Variants in POTEJ observed in about 807,000 individuals in gnomAD.
POTEJ encodes the protein POTE ankyrin domain family member J.
A neutral mutation model predicts 69.0 loss-of-function variants in POTEJ; 11 were observed. The ratio of observed to expected loss-of-function variants is 0.16; its 90% CI spans 0.10 to 0.26. POTEJ has a LOEUF of 0.26. Ranked by LOEUF, POTEJ falls within the 10% of genes least tolerant of loss-of-function variation. POTEJ has a pLI of 1.00. For missense variants in POTEJ, 327 were observed against 1,045.5 expected, an observed-to-expected ratio of 0.31 and a Z score of 9.48; for synonymous variants, 117 against 381.1, an observed-to-expected ratio of 0.31 and a Z score of 8.07.
At chr2:130,615,745 C>G (rs1189303106) in intron 1 of POTEJ, among the ~76,000 whole-genome samples, 47 of 149,292 alleles carry the variant, frequency 3.1e-4, no homozygotes, top group South Asian at 8.3e-4. Flanking sequence ...ACATCCGGCA[C>G]ATGTATCCCT....
chr2:130,642,158 C>A (rs1445632069), intron 10 of POTEJ, among the ~76,000 whole-genome samples: 1 of 147,402 alleles, frequency 6.8e-6, no homozygotes, highest in African/African-American at 2.5e-5. Context: ...TGCAGCCAAT[C>A]AGAATTTTTT....
At chr2:130,640,977 G>A (rs1341142035) in intron 10 of POTEJ, among the ~76,000 whole-genome samples, 1 of 151,928 alleles carries the variant, frequency 6.6e-6, no homozygotes, top group East Asian at 1.9e-4. Flanking sequence ...TGGTTATGGT[G>A]TAAAATGGGT....
At chr2:130,641,244 G>A (rs1291527427) in intron 10 of POTEJ, among the ~76,000 whole-genome samples, 106 of 152,266 alleles carry the variant, frequency 7.0e-4, no homozygotes, top group African/African-American at 2.4e-3. Context: ...GACAAAGGAA[G>A]TTTTTGCAGT....
At chr2:130,612,750 G>A (rs1484698815) in intron 1 of POTEJ, among the ~76,000 whole-genome samples, 8 of 124,350 alleles carry the variant, frequency 6.4e-5, no homozygotes, top group Non-Finnish European at 9.9e-5. Context: ...GAGACAGAGC[G>A]AGATTCCGTC....
At chr2:130,625,133 G>C (rs1419414127) in intron 6 of POTEJ, among the ~76,000 whole-genome samples, 1 of 152,200 alleles carries the variant, frequency 6.6e-6, no homozygotes, top group African/African-American at 2.4e-5. Flanking sequence ...AAGAGCTTTT[G>C]TAAGTTAGGT....
chr2:130,641,538 T>C (rs1686373780), intron 10 of POTEJ, among the ~76,000 whole-genome samples: 2 of 150,534 alleles, frequency 1.3e-5, no homozygotes, highest in African/African-American at 2.4e-5. Context: ...GTATAGTCAA[T>C]ATGATTTAGT....
chr2:130,651,778 G>A (rs1456583503), intron 13 of POTEJ, among the ~76,000 whole-genome samples: 2 of 144,138 alleles, frequency 1.4e-5, no homozygotes, highest in African/African-American at 5.3e-5. Flanking sequence ...TAGTGATATT[G>A]TTATGCATTT....
intron 13 of POTEJ, among the ~76,000 whole-genome samples, chr2:130,649,236 G>C (rs1185922598): frequency 1.3e-5 from 2 of 150,994 alleles, no homozygotes; most frequent in Non-Finnish European, 2.9e-5. Flanking sequence ...TCACACACTT[G>C]TCAGATCCAA....
At chr2:130,639,848 ATAAC>A (rs1212608226) in intron 10 of POTEJ, among the ~76,000 whole-genome samples, 2 of 152,212 alleles carry the variant, frequency 1.3e-5, no homozygotes, top group Non-Finnish European at 2.9e-5. Context: ...CACTTAACAA[ATAAC>A]TGTCAAATGT....
intron 9 of POTEJ, among the ~76,000 whole-genome samples, chr2:130,636,222 A>AC (rs1686083027): frequency 6.6e-6 from 1 of 152,114 alleles, no homozygotes; most frequent in Admixed American, 6.5e-5. Flanking sequence ...TAAGAAGAAG[A>AC]AAAGGGTAAA....
chr2:130,626,870 T>A (rs1310739847), intron 6 of POTEJ, among the ~76,000 whole-genome samples: 1 of 152,162 alleles, frequency 6.6e-6, no homozygotes, highest in Non-Finnish European at 1.5e-5. Context: ...TTTTGCTTAA[T>A]TTTTTTTCAT....
chr2:130,634,227 A>T (rs1293427735), intron 9 of POTEJ, among the ~76,000 whole-genome samples: 1 of 152,260 alleles, frequency 6.6e-6, no homozygotes, highest in Admixed American at 6.5e-5. Context: ...AGTGACTCTT[A>T]TTTGTAAAAG....
chr2:130,649,917 G>A lies in POTEJ; in HGVS notation c.1667+3607G>A, dbSNP rs1573996493. On this transcript the variant is annotated intron_variant, in intron 13 of 14. Coordinates refer to ENST00000409602, the MANE Select transcript of POTEJ (RefSeq NM_001277083.2). ...ATCCCCTTTCTAAGAAGAAGAAAAA[G>A]GGTAAAAAGAAACCCATTAAGGAAT... 3.3e-5 allele frequency among the ~76,000 whole-genome samples: 5 copies of A among 152,162 alleles called. No homozygotes were observed. The South Asian group carries it at 1.0e-3, about 32-fold the overall frequency.
chr2:130,647,002 ATATGT>A (rs1686602432), intron 13 of POTEJ, among the ~76,000 whole-genome samples: 2 of 149,908 alleles, frequency 1.3e-5, no homozygotes, highest in East Asian at 1.9e-4. Flanking sequence ...ATTTGTATAG[ATATGT>A]TATATGTATA....
intron 10 of POTEJ, among the ~76,000 whole-genome samples, chr2:130,638,898 T>A (rs1417394953): frequency 6.6e-6 from 1 of 152,276 alleles, no homozygotes; most frequent in Non-Finnish European, 1.5e-5. Flanking sequence ...CTTACCATAA[T>A]GTAGAATCAG....
intron 1 of POTEJ, among the ~76,000 whole-genome samples, chr2:130,612,520 A>G (rs1685247162): frequency 6.6e-6 from 1 of 152,292 alleles, no homozygotes; most frequent in Non-Finnish European, 1.5e-5. Flanking sequence ...TAATCCCAGC[A>G]CTTTGGGAGG....
chr2:130,627,427 G>T (rs1685751235), intron 6 of POTEJ, among the ~76,000 whole-genome samples: 2 of 140,614 alleles, frequency 1.4e-5, no homozygotes, highest in Admixed American at 1.4e-4. Flanking sequence ...TCCTTTTAGG[G>T]AATGATACTC....
At chr2:130,652,265 G>GTT (rs934577834) in intron 13 of POTEJ, among the ~76,000 whole-genome samples, 2 of 136,876 alleles carry the variant, frequency 1.5e-5, no homozygotes, top group African/African-American at 5.5e-5. Context: ...CCAGCCATGC[G>GTT]TAACTGTGAA....
At chr2:130,648,194 A>G (rs1277026910) in intron 13 of POTEJ, among the ~76,000 whole-genome samples, 3 of 144,880 alleles carry the variant, frequency 2.1e-5, no homozygotes, top group Non-Finnish European at 3.0e-5. Context: ...TATGTAATCT[A>G]GAAATGTGCA....
Sources: gnomAD v4.1 joint callset for allele counts (sites outside exome capture counted in the v4.1 genomes callset) on GRCh38, gnomAD v4.1.1 for gene constraint, MANE v1.5 for transcripts, NCBI Gene and HGNC (gene_info 2026-07-23, HGNC 2026-07-21) for gene names.